UBE2G1: variants seen among roughly 807,000 people sequenced by gnomAD.
UBE2G1 encodes the protein ubiquitin-conjugating enzyme E2 G1.
In UBE2G1, 5 loss-of-function variants were observed where a neutral mutation model predicts 22.7. The ratio of observed to expected loss-of-function variants is 0.22; its 90% CI spans 0.12 to 0.46. The LOEUF (loss-of-function observed/expected upper bound fraction) is 0.46, where lower values mean the gene tolerates loss of function less well. Among genes scored for constraint, UBE2G1 ranks in the 20% least tolerant of loss-of-function variants. UBE2G1 has a pLI of 0.99. For synonymous variants in UBE2G1, 74 were observed against 67.5 expected (o/e 1.10, Z -0.47); for missense variants, 88 against 203.9 (o/e 0.43, Z 3.46).
intron 4 of UBE2G1, among the ~76,000 whole-genome samples, chr17:4,284,838 CTTT>C (rs1176508350): frequency 1.3e-4 from 3 of 22,314 alleles, no homozygotes; most frequent in African/African-American, 2.8e-4. Flanking sequence ...TCTTTTCTTT[CTTT>C]TTTTTTTTTT....
At chr17:4,273,411 G>A (rs1382488781) in intron 5 of UBE2G1, among the ~76,000 whole-genome samples, 1 of 152,170 alleles carries the variant, frequency 6.6e-6, no homozygotes, top group Non-Finnish European at 1.5e-5. Context: ...GTAGTGGCAT[G>A]AACATGGCTC....
intron 1 of UBE2G1, among the ~76,000 whole-genome samples, chr17:4,340,675 G>A (rs1407051585): frequency 3.3e-5 from 5 of 152,160 alleles, no homozygotes; most frequent in Non-Finnish European, 5.9e-5. Context: ...CAGCCATGCA[G>A]AACTGTGAAT....
In UBE2G1 at chr17:4,355,082, A is replaced by G. The variant is rs549827232; in HGVS notation, c.46+11189T>C. Among the ~76,000 whole-genome samples the G allele has an allele frequency of 4.6e-5, 7 of 152,038 alleles. No individual in the cohort carries two copies. The South Asian group carries it at 1.5e-3, about 32-fold the overall frequency. On this transcript the variant is annotated intron_variant, in intron 1 of 5. Transcript: ENST00000396981. ...ACTCTAGTCCGGACAACAGAGCAAG[A>G]CCCTGTCTCAAAACAAAACAAAGAT... is the stretch of plus-strand genomic sequence containing the variant.
intron 1 of UBE2G1, among the ~76,000 whole-genome samples, chr17:4,324,866 A>T (rs1598194588): frequency 6.6e-6 from 1 of 152,074 alleles, no homozygotes; most frequent in East Asian, 1.9e-4. Context: ...TCACGAGGTC[A>T]GGAGATCGAG....
At chr17:4,344,949 T>C (rs1969752910) in intron 1 of UBE2G1, among the ~76,000 whole-genome samples, 1 of 152,186 alleles carries the variant, frequency 6.6e-6, no homozygotes. Context: ...TTTCCCACAA[T>C]TCAAAATTCA....
chr17:4,329,109 G>GAAAAAAAAAAAAAAAAAAAAA, intron 1 of UBE2G1, among the ~76,000 whole-genome samples: 1 of 91,760 alleles, frequency 1.1e-5, no homozygotes, highest in Non-Finnish European at 2.1e-5. Flanking sequence ...GTCTCAAAAA[G>GAAAAAAAAAAAAAAAAAAAAA]AAAAAAAAAA....
At chr17:4,325,286 G>C (rs1969492363) in intron 1 of UBE2G1, among the ~76,000 whole-genome samples, 1 of 152,108 alleles carries the variant, frequency 6.6e-6, no homozygotes, top group African/African-American at 2.4e-5. Flanking sequence ...GGGATTGTGG[G>C]TGATGACGTG....
intron 1 of UBE2G1, among the ~76,000 whole-genome samples, chr17:4,362,196 G>C (rs1467343980): frequency 6.6e-6 from 1 of 152,128 alleles, no homozygotes; most frequent in African/African-American, 2.4e-5. Flanking sequence ...AATTTGCAAA[G>C]GAGTAAGTCA....
At chr17:4,356,292 A>C (rs1241699371) in intron 1 of UBE2G1, among the ~76,000 whole-genome samples, 4 of 151,844 alleles carry the variant, frequency 2.6e-5, no homozygotes, top group Non-Finnish European at 5.9e-5. Flanking sequence ...CAGGAGGCAG[A>C]GGTTGCAGTG....
chr17:4,318,981 G>C (rs569064575), intron 1 of UBE2G1, among the ~76,000 whole-genome samples: 1 of 152,210 alleles, frequency 6.6e-6, no homozygotes, highest in African/African-American at 2.4e-5. Context: ...AAAGCAACAG[G>C]AGACCTTAAA....
At chr17:4,349,317 G>C (rs565426106) in intron 1 of UBE2G1, among the ~76,000 whole-genome samples, 4 of 152,238 alleles carry the variant, frequency 2.6e-5, no homozygotes, top group African/African-American at 9.6e-5. Flanking sequence ...AGAATGGTGT[G>C]ACACCATATA....
At chr17:4,302,032 AACAAC>A in intron 2 of UBE2G1, 1 of 493,574 alleles carries the variant, frequency 2.0e-6, no homozygotes, top group Admixed American at 2.2e-5. Context: ...CATAAAGAAC[AACAAC>A]AACAAAAAAA....
intron 5 of UBE2G1, among the ~76,000 whole-genome samples, chr17:4,275,121 A>G (rs1036618263): frequency 2.0e-5 from 3 of 152,120 alleles, no homozygotes; most frequent in African/African-American, 7.2e-5. Context: ...ACAACACTAA[A>G]ATCAGGCGAC....
chr17:4,321,260 C>T (rs780162457), intron 1 of UBE2G1, among the ~76,000 whole-genome samples: 1 of 151,876 alleles, frequency 6.6e-6, no homozygotes, highest in African/African-American at 2.4e-5. Context: ...ACATATATAT[C>T]AAGCCACAAA....
chr17:4,336,525 G>C (rs1345706656), intron 1 of UBE2G1, among the ~76,000 whole-genome samples: 3 of 151,904 alleles, frequency 2.0e-5, no homozygotes. Context: ...ATAATATATA[G>C]TTACAACAAA....
chr17:4,308,813 C>A (rs8072251), intron 1 of UBE2G1, among the ~76,000 whole-genome samples: 2 of 151,982 alleles, frequency 1.3e-5, no homozygotes, highest in African/African-American at 4.8e-5. Flanking sequence ...TGATGAAAGG[C>A]AGTATAATAT....
chr17:4,321,165 T>C (rs1969432720), intron 1 of UBE2G1, among the ~76,000 whole-genome samples: 1 of 152,012 alleles, frequency 6.6e-6, no homozygotes, highest in African/African-American at 2.4e-5. Flanking sequence ...AAAATTAATT[T>C]AAAAAGAATA....
At chr17:4,296,610 A>C (rs1969115714) in intron 3 of UBE2G1, 107 bp downstream of exon 3, 7 of 1,168,740 alleles carry the variant, frequency 6.0e-6, no homozygotes, top group Non-Finnish European at 7.6e-6. Context: ...CAGTACAAAA[A>C]TGCCAAAGCA....
chr17:4,312,493 G>A (rs1477563205), intron 1 of UBE2G1, among the ~76,000 whole-genome samples: 4 of 151,898 alleles, frequency 2.6e-5, no homozygotes, highest in East Asian at 1.9e-4. Flanking sequence ...TCAAGAGATC[G>A]AGACCATCCT....
Sources: gnomAD v4.1 joint callset for allele counts (sites outside exome capture counted in the v4.1 genomes callset) on GRCh38, gnomAD v4.1.1 for gene constraint, MANE v1.5 for transcripts, NCBI Gene and HGNC (gene_info 2026-07-23, HGNC 2026-07-21) for gene names.